Variants in SETBP1 observed in about 807,000 individuals in gnomAD.
SETBP1 encodes the protein SET-binding protein.
A neutral mutation model predicts 101.0 loss-of-function variants in SETBP1; 9 were observed. The ratio of observed to expected loss-of-function variants is 0.09; its 90% CI spans 0.05 to 0.16. SETBP1 has a LOEUF of 0.16. SETBP1 is among the 10% of genes least tolerant of loss of function. The pLI is 1.00. For missense variants in SETBP1, 1,858 were observed against 2,033.8 expected (o/e 0.91, Z 1.66); for synonymous variants, 818 against 788.5 (o/e 1.04, Z -0.63).
At position 44,925,007 on chromosome 18, in the gene SETBP1, G is replaced by GTTTTGTTTTT. The variant is rs1555700996; in HGVS notation, c.541-24870_541-24869insGTTTTTTTTT. On this transcript the variant is annotated intron_variant, in intron 3 of 5. Coordinates refer to ENST00000649279, the MANE Select transcript of SETBP1 (RefSeq NM_015559.3). The stretch of plus-strand genomic sequence containing the variant: ...CTTTTTCCTTCTTGATCCTGTGTGA[G>GTTTTGTTTTT]TTTTTTTTTTTTTTTTTTTTTTTTT... 6.5e-5 allele frequency among the ~76,000 whole-genome samples: 3 copies of GTTTTGTTTTT among 45,970 alleles called. 1 individual carries two copies. Among genetic ancestry groups the GTTTTGTTTTT allele is most frequent in the African/African-American group, 9.0e-5 (1 of 11,122 alleles). The allele number at this position is 45,970 out of a possible 152,430, so 30.2% of individuals were successfully genotyped here.
chr18:44,837,428 A>T (rs913076295), intron 2 of SETBP1, among the ~76,000 whole-genome samples: 7 of 152,234 alleles, frequency 4.6e-5, no homozygotes, highest in African/African-American at 1.7e-4. Flanking sequence ...TGTATGAAGT[A>T]TGTTAAATGC....
At position 45,020,258 on chromosome 18, in the gene SETBP1, TAAAAAAAAAAAAAAAAAAAAA is replaced by T. The variant is rs57134217; in HGVS notation, c.4001-18210_4001-18190del. On this transcript the variant is annotated intron_variant, in intron 4 of 5. Coordinates refer to ENST00000649279, the MANE Select transcript of SETBP1 (RefSeq NM_015559.3). ...CTGGTGACAGAGCAAGACTCTGTCT[TAAAAAAAAAAAAAAAAAAAAA>T]AAAAAAAAAAAAAAAAGTGGCTTCT... 7.2e-4 allele frequency among the ~76,000 whole-genome samples: 38 copies of T among 53,086 alleles called. 1 individual carries two copies. Among genetic ancestry groups the T allele is most frequent in the African/African-American group, 2.5e-3 (34 of 13,588 alleles). The allele number at this position is 53,086 out of a possible 152,430, so 34.8% of individuals were successfully genotyped here. A position where few individuals can be genotyped will look rare whatever the true frequency, so the allele number is the denominator to read the frequency against.
chr18:44,754,137 C>A (rs1254341174), intron 2 of SETBP1, among the ~76,000 whole-genome samples: 1 of 152,246 alleles, frequency 6.6e-6, no homozygotes, highest in Non-Finnish European at 1.5e-5. Context: ...GACTTGGATG[C>A]AGTGCCTTAG....
At chr18:44,947,536 T>G (rs540204903) in intron 3 of SETBP1, among the ~76,000 whole-genome samples, 1 of 150,762 alleles carries the variant, frequency 6.6e-6, no homozygotes, top group South Asian at 2.1e-4. Context: ...TTCACTCTTA[T>G]TGCCCAGGTG....
chr18:44,946,289 T>C (rs561742261), intron 3 of SETBP1, among the ~76,000 whole-genome samples: 1 of 152,302 alleles, frequency 6.6e-6, no homozygotes, highest in South Asian at 2.1e-4. Flanking sequence ...AACAATGGGA[T>C]CAGGCAGTGG....
chr18:45,038,702 G>A (rs375585250), intron 5 of SETBP1, 47 bp downstream of exon 5: 6 of 1,604,088 alleles, frequency 3.7e-6, no homozygotes, highest in African/African-American at 1.3e-5. Flanking sequence ...CAAGATGAAT[G>A]TGGAGAAAGC....
intron 2 of SETBP1, among the ~76,000 whole-genome samples, chr18:44,824,519 A>G (rs2072190604): frequency 6.6e-6 from 1 of 152,186 alleles, no homozygotes; most frequent in South Asian, 2.1e-4. Flanking sequence ...GTTCTTGCAT[A>G]AAGTAAATGC....
chr18:44,840,623 C>T (rs923755748), intron 2 of SETBP1, among the ~76,000 whole-genome samples: 1 of 152,212 alleles, frequency 6.6e-6, no homozygotes, highest in African/African-American at 2.4e-5. Context: ...CTCTCCTGGA[C>T]AGTGTCCAGG....
chr18:44,998,377 A>G (rs1020908079), intron 4 of SETBP1, among the ~76,000 whole-genome samples: 4 of 152,368 alleles, frequency 2.6e-5, no homozygotes, highest in East Asian at 1.9e-4. Context: ...ACCTTGGGCC[A>G]GTTACAGAGC....
At chr18:44,891,939 A>G (rs796564772) in intron 3 of SETBP1, among the ~76,000 whole-genome samples, 11 of 152,266 alleles carry the variant, frequency 7.2e-5, no homozygotes, top group African/African-American at 2.6e-4. Flanking sequence ...AGGAGTTTGC[A>G]CATGATCAAC....
chr18:44,743,626 G>A (rs902178218), intron 2 of SETBP1, among the ~76,000 whole-genome samples: 1 of 152,150 alleles, frequency 6.6e-6, no homozygotes, highest in Non-Finnish European at 1.5e-5. Flanking sequence ...ATCAATTCCA[G>A]GAGAGAGAGG....
chr18:44,794,910 A>T (rs1472313108), intron 2 of SETBP1, among the ~76,000 whole-genome samples: 2 of 152,198 alleles, frequency 1.3e-5, no homozygotes, highest in Non-Finnish European at 2.9e-5. Context: ...ACATTCATGG[A>T]TGCAAGACAT....
At chr18:44,915,430 G>T (rs538124144) in intron 3 of SETBP1, among the ~76,000 whole-genome samples, 1 of 152,306 alleles carries the variant, frequency 6.6e-6, no homozygotes, top group South Asian at 2.1e-4. Context: ...TTAACAATGT[G>T]TGCAACCCTA....
intron 2 of SETBP1, among the ~76,000 whole-genome samples, chr18:44,787,840 G>A (rs1488149984): frequency 5.5e-5 from 2 of 36,618 alleles, no homozygotes; most frequent in East Asian, 1.2e-3. Context: ...CGGCCTGGGC[G>A]ACAGAGCGAG....
chr18:44,983,729 C>G (rs538278283), intron 4 of SETBP1, among the ~76,000 whole-genome samples: 1 of 152,300 alleles, frequency 6.6e-6, no homozygotes, highest in Non-Finnish European at 1.5e-5. Context: ...AAATAACCCC[C>G]TGCTTGCCAC....
chr18:44,856,577 A>G (rs1041773580), intron 2 of SETBP1, among the ~76,000 whole-genome samples: 2 of 152,228 alleles, frequency 1.3e-5, no homozygotes, highest in African/African-American at 4.8e-5. Context: ...AAAATGCTTT[A>G]TATCTTGAAA....
intron 1 of SETBP1, among the ~76,000 whole-genome samples, chr18:44,684,634 A>G (rs1249389204): frequency 6.6e-6 from 1 of 151,208 alleles, no homozygotes; most frequent in African/African-American, 2.4e-5. Flanking sequence ...AGGTTGAAGA[A>G]CCATTAAATA....
At chr18:45,050,388 G>C (rs1486562713) in intron 5 of SETBP1, among the ~76,000 whole-genome samples, 1 of 152,156 alleles carries the variant, frequency 6.6e-6, no homozygotes, top group East Asian at 1.9e-4. Context: ...TAAAGTTTAA[G>C]ATCTGTTGTT....
rs373986368 is a variant in SETBP1, at chr18:45,063,214, C to T, written c.4307C>T (p.Ala1436Val). 49 of 1,613,888 alleles carry T rather than the reference C, an allele frequency of 3.0e-5. No individual in the cohort carries two copies. The African/African-American group carries it at 5.9e-4, about 19-fold the overall frequency. Residue 1436 changes from alanine to valine, a missense_variant, in exon 6 of 6, where the codon GCC becomes GTC. Ala to Val is a moderately conservative substitution (Grantham distance 64, BLOSUM62 0). Coordinates refer to ENST00000649279, the MANE Select transcript of SETBP1 (RefSeq NM_015559.3). ...NLDHVNKILK[A>V]KRLQRQSKTG... ...GACCACGTGAACAAGATCCTGAAGG[C>T]CAAGCGGCTGCAGAGACAATCAAAA...
Sources: allele counts gnomAD v4.1 joint callset (sites outside exome capture counted in the v4.1 genomes callset), GRCh38; gene constraint gnomAD v4.1.1; transcripts MANE v1.5; gene names NCBI Gene and HGNC (gene_info 2026-07-23, HGNC 2026-07-21).